The following PXK variants were observed in gnomAD, a reference collection of about 807,000 sequenced individuals.
The protein encoded by PXK is PX domain-containing protein kinase-like protein.
PXK carries 35 observed loss-of-function variants against 84.7 expected under a neutral mutation model. That is an observed-to-expected ratio of 0.41 (90% CI 0.32 to 0.55). The LOEUF (loss-of-function observed/expected upper bound fraction) is 0.55. PXK is among the 20% of genes least tolerant of loss of function. The pLI is 0.21. For missense variants in PXK, 634 were observed against 699.7 expected, an observed-to-expected ratio of 0.91 and a Z score of 1.06; for synonymous variants, 253 against 260.8, an observed-to-expected ratio of 0.97 and a Z score of 0.29.
At position 58,384,322 on chromosome 3, in the gene PXK, T is replaced by A. The variant is rs75070176; in HGVS notation, c.388+1622T>A. 8.3e-3 allele frequency among the ~76,000 whole-genome samples: 1,270 copies of A among 152,320 alleles called. 21 individuals carry two copies. Among genetic ancestry groups the A allele is most frequent in the African/African-American group, 0.029 (1,216 of 41,576 alleles). On this transcript the variant is annotated intron_variant, in intron 4 of 17. Coordinates refer to ENST00000356151, the MANE Select transcript of PXK (RefSeq NM_017771.5). ...CATTAAAGCGTGAGAAGCCTCACGC[T>A]AGGATGTACCTGCCATTTCCTAACC...
chr3:58,341,827 C>T (rs2097737682), intron 1 of PXK, among the ~76,000 whole-genome samples: 1 of 151,924 alleles, frequency 6.6e-6, no homozygotes, highest in African/African-American at 2.4e-5. Context: ...CCTCAGCCTC[C>T]TGCGTAGCTG....
rs985772865 is a variant in PXK at position 58,425,162 on chromosome 3, A to G, written c.*202A>G. ...AAGTTAGGCTGGCATTGCTCCCTTA[A>G]GATCTTGCTCCTTTATTAACCCTGT... On this transcript the variant is annotated 3_prime_UTR_variant, in exon 18 of 18. Coordinates refer to ENST00000356151, the MANE Select transcript of PXK (RefSeq NM_017771.5). 1.7e-5 allele frequency: 13 copies of G among 768,484 alleles called. No homozygotes were observed. Among genetic ancestry groups the G allele is most frequent in the African/African-American group, 3.5e-5 (2 of 56,804 alleles). 47.6% of individuals were successfully genotyped at this position (768,484 alleles called of 1,614,324 possible).
chr3:58,404,710 G>A (rs956029123), intron 13 of PXK, among the ~76,000 whole-genome samples: 2 of 152,162 alleles, frequency 1.3e-5, no homozygotes, highest in African/African-American at 4.8e-5. Flanking sequence ...AGTGCGATTT[G>A]GGTAGGAGGA....
chr3:58,355,185 A>G (rs1230952610), intron 1 of PXK, among the ~76,000 whole-genome samples: 2 of 151,886 alleles, frequency 1.3e-5, no homozygotes, highest in African/African-American at 2.4e-5. Context: ...TGCCCAGGCC[A>G]GACAAATTAA....
chr3:58,363,089 A>G (rs1377348040), intron 1 of PXK, among the ~76,000 whole-genome samples: 4 of 152,212 alleles, frequency 2.6e-5, no homozygotes, highest in Non-Finnish European at 5.9e-5. Context: ...AAACATGTAT[A>G]TCAATTTAGG....
At chr3:58,395,842 C>G (rs1209156818) in intron 9 of PXK, 83 bp downstream of exon 9, 2 of 1,090,864 alleles carry the variant, frequency 1.8e-6, no homozygotes. Flanking sequence ...AAGTAATATC[C>G]AAAATTACTT....
In PXK at chr3:58,408,971, A is replaced by G; in HGVS notation, c.1278A>G (p.Ile426Met). The change falls in exon 14 of 18, where the codon ATA (isoleucine) becomes ATG (methionine). Residue 426 changes from isoleucine (I) to methionine (M), a missense_variant. Ile to Met is a conservative substitution (Grantham distance 10). Around this residue, in one of 3 missense-constraint regions of PXK, gnomAD observed 273 missense variants for 283.6 expected, o/e 0.96. Coordinates refer to ENST00000356151, the MANE Select transcript of PXK (RefSeq NM_017771.5). Reference protein sequence around the residue: ...KEALRIAKECIEKRLIEEQKQ... With the variant: ...KEALRIAKECMEKRLIEEQKQ... ...CATTGAGAATTGCCAAAGAATGTATAGAGAAGAGACTAATTGAGGAACAGA... is the reference window on the plus strand; with the variant it reads ...CATTGAGAATTGCCAAAGAATGTATGGAGAAGAGACTAATTGAGGAACAGA... The G allele has an allele frequency of 6.3e-7, 1 of 1,592,692 alleles. No homozygotes were observed. Among genetic ancestry groups the G allele is most frequent in the South Asian group, 1.1e-5 (1 of 90,562 alleles).
At chr3:58,355,060 G>A (rs2098041008) in intron 1 of PXK, among the ~76,000 whole-genome samples, 1 of 151,694 alleles carries the variant, frequency 6.6e-6, no homozygotes, top group Non-Finnish European at 1.5e-5. Context: ...CAGAGGCAGA[G>A]GTTACAGTGA....
At chr3:58,404,598 G>T (rs189019306) in intron 13 of PXK, among the ~76,000 whole-genome samples, 2 of 152,328 alleles carry the variant, frequency 1.3e-5, no homozygotes, top group Non-Finnish European at 2.9e-5. Context: ...ATGTACTCAT[G>T]TGTAAAATTG....
chr3:58,394,102 G>C (rs1202130982), intron 7 of PXK, among the ~76,000 whole-genome samples: 1 of 152,188 alleles, frequency 6.6e-6, no homozygotes, highest in East Asian at 1.9e-4. Context: ...CCATTTTGAT[G>C]TGATGATCAG....
rs752415686 is a variant in PXK at position 58,370,390 on chromosome 3, C to T, written c.201+912C>T. On this transcript the variant is annotated intron_variant, in intron 3 of 17. Transcript: ENST00000356151. The surrounding 1 kb of genome is among the most constrained non-coding windows in gnomAD (Gnocchi z 4.2). The stretch of plus-strand genomic sequence containing the variant: ...CACCTTAGGAAGTCCTGCCAATACC[C>T]GCCATGTCTTCACTTGGCAGGCTGG... 3.0e-4 allele frequency among the ~76,000 whole-genome samples: 46 copies of T among 152,146 alleles called. No individual in the cohort carries two copies. Among genetic ancestry groups the T allele is most frequent in the Non-Finnish European group, 5.6e-4 (38 of 68,026 alleles).
At chr3:58,376,431 A>G (rs1553774430) in intron 3 of PXK, among the ~76,000 whole-genome samples, 1 of 152,080 alleles carries the variant, frequency 6.6e-6, no homozygotes, top group Non-Finnish European at 1.5e-5. Context: ...AAATAAATAA[A>G]TAAAATTAAT....
chr3:58,350,632 T>G (rs2097904783), intron 1 of PXK, among the ~76,000 whole-genome samples: 1 of 152,220 alleles, frequency 6.6e-6, no homozygotes, highest in African/African-American at 2.4e-5. Flanking sequence ...GTTTAAGGCA[T>G]CTACCCTCTC....
chr3:58,393,225 G>T (rs987984767), intron 7 of PXK, among the ~76,000 whole-genome samples: 14 of 151,994 alleles, frequency 9.2e-5, no homozygotes, highest in Non-Finnish European at 1.9e-4. Context: ...GTGGGCACCT[G>T]TGGTCCCAGC....
chr3:58,344,636 C>T (rs1326638125), intron 1 of PXK, among the ~76,000 whole-genome samples: 5 of 152,182 alleles, frequency 3.3e-5, no homozygotes, highest in Admixed American at 2.6e-4. Flanking sequence ...CCAGCCTGGC[C>T]AACATGGTGA....
At chr3:58,363,087 A>G (rs2098215590) in intron 1 of PXK, among the ~76,000 whole-genome samples, 1 of 152,198 alleles carries the variant, frequency 6.6e-6, no homozygotes, top group Admixed American at 6.6e-5. Flanking sequence ...TTAAACATGT[A>G]TATCAATTTA....
rs190596037 is a variant in PXK at position 58,407,512 on chromosome 3, C to T, written c.1231-1412C>T. Reference sequence around the variant, plus strand: ...CCATTTCTTGAGTTGTCTTTTACTCCGTTTTTCTTTGTTGCACCAATGTTT... The same window carrying T: ...CCATTTCTTGAGTTGTCTTTTACTCTGTTTTTCTTTGTTGCACCAATGTTT... On this transcript the variant is annotated intron_variant, in intron 13 of 17. Transcript: ENST00000356151. The surrounding 1 kb of genome is among the most constrained non-coding windows in gnomAD (Gnocchi z 4.3). Among the ~76,000 whole-genome samples the T allele has an allele frequency of 4.0e-4, 60 of 151,684 alleles. No individual in the cohort carries two copies. The highest frequency in any genetic ancestry group is 6.6e-4 in the Admixed American group (10 of 15,228).
intron 9 of PXK, 121 bp downstream of exon 9, chr3:58,395,880 T>A: frequency 4.2e-6 from 3 of 720,134 alleles, no homozygotes; most frequent in Non-Finnish European, 6.7e-6. Context: ...ATAAACTGAT[T>A]GCATTGTCAT....
intron 3 of PXK, among the ~76,000 whole-genome samples, chr3:58,376,452 A>G (rs924749319): frequency 6.6e-6 from 1 of 152,076 alleles, no homozygotes; most frequent in Non-Finnish European, 1.5e-5. Flanking sequence ...TAATTAGCCT[A>G]TGGTAAAATT....
Sources: allele counts gnomAD v4.1 joint callset (sites outside exome capture counted in the v4.1 genomes callset), GRCh38; gene constraint gnomAD v4.1.1; regional missense constraint gnomAD v4.1.1; non-coding constraint Gnocchi (gnomAD v3.1); transcripts MANE v1.5; gene names NCBI Gene and HGNC (gene_info 2026-07-23, HGNC 2026-07-21).